SLC14A2: variants seen among roughly 807,000 people sequenced by gnomAD.
SLC14A2 encodes urea transporter 2.
A neutral mutation model predicts 104.6 loss-of-function variants in SLC14A2; 91 were observed. The ratio of observed to expected loss-of-function variants is 0.87; its 90% CI spans 0.73 to 1.04. The LOEUF is 1.04. SLC14A2 is among the 50% of genes least tolerant of loss of function. The pLI is 0.00. For missense variants in SLC14A2, 1,189 were observed against 1,156.0 expected (o/e 1.03, Z -0.41); for synonymous variants, 476 against 466.4 (o/e 1.02, Z -0.27).
chr18:45,556,626 T>C (rs963787024), intron 2 of SLC14A2, among the ~76,000 whole-genome samples: 1 of 152,252 alleles, frequency 6.6e-6, no homozygotes, highest in African/African-American at 2.4e-5. Flanking sequence ...AGTTAAATCA[T>C]GGGATTCGTG....
At chr18:45,416,452 T>C (rs1048059236) in intron 1 of SLC14A2, among the ~76,000 whole-genome samples, 1 of 152,146 alleles carries the variant, frequency 6.6e-6, no homozygotes, top group Non-Finnish European at 1.5e-5. Context: ...GAATAATAAT[T>C]GGTCGTGGCC....
At chr18:45,640,864 G>T (rs1016423584) in intron 7 of SLC14A2, among the ~76,000 whole-genome samples, 6 of 152,128 alleles carry the variant, frequency 3.9e-5, no homozygotes, top group African/African-American at 1.4e-4. Context: ...AAAAATATTT[G>T]TTTAACTCTT....
intron 1 of SLC14A2, among the ~76,000 whole-genome samples, chr18:45,475,656 T>TATATATATATTTAGG (rs2087357848): frequency 1.5e-5 from 1 of 65,746 alleles, no homozygotes; most frequent in South Asian, 6.6e-4. Flanking sequence ...TATATATATA[T>TATATATATATTTAGG]ATATATATAT....
At chr18:45,470,308 T>C (rs1323236921) in intron 1 of SLC14A2, among the ~76,000 whole-genome samples, 1 of 152,250 alleles carries the variant, frequency 6.6e-6, no homozygotes, top group African/African-American at 2.4e-5. Context: ...CTTGCCTTTT[T>C]CCTTCCTTTT....
At chr18:45,484,785 TC>T (rs71373713) in intron 2 of SLC14A2, among the ~76,000 whole-genome samples, 22,032 of 151,504 alleles carry the variant, frequency 0.15, 1,678 homozygotes, top group Middle Eastern at 0.24. Context: ...GGTTGGTTTT[TC>T]TTTTTTTGAG....
intron 1 of SLC14A2, among the ~76,000 whole-genome samples, chr18:45,328,030 C>T (rs542070701): frequency 6.6e-6 from 1 of 152,134 alleles, no homozygotes; most frequent in South Asian, 2.1e-4. Flanking sequence ...GACACTTAAG[C>T]AGGTTTGGTA....
chr18:45,394,155 A>C lies in SLC14A2; in HGVS notation c.-124-89078A>C, dbSNP rs187232457. ...ATACTTTCGTTAGTCCAAGTATTACATGGGACCAATCAATTGTTTGCAAAA... is the reference window on the plus strand; with the variant it reads ...ATACTTTCGTTAGTCCAAGTATTACCTGGGACCAATCAATTGTTTGCAAAA... On this transcript the variant is annotated intron_variant, in intron 1 of 20. Coordinates refer to the SLC14A2 transcript ENST00000586448. 5.9e-5 allele frequency among the ~76,000 whole-genome samples: 9 copies of C among 152,328 alleles called. No homozygotes were observed. In the South Asian group the frequency reaches 1.7e-3, roughly 28 times the overall value.
chr18:45,372,644 G>A (rs528149551), intron 1 of SLC14A2, among the ~76,000 whole-genome samples: 2 of 152,222 alleles, frequency 1.3e-5, no homozygotes, highest in East Asian at 3.9e-4. Flanking sequence ...TCCGATGCAG[G>A]GTAGGGCCTG....
chr18:45,517,303 T>C (rs2043454761), intron 2 of SLC14A2, among the ~76,000 whole-genome samples: 1 of 152,008 alleles, frequency 6.6e-6, no homozygotes, highest in African/African-American at 2.4e-5. Context: ...GCTGATTGAG[T>C]TTGGCAGGAA....
intron 1 of SLC14A2, among the ~76,000 whole-genome samples, chr18:45,236,277 GTATA>G (rs544021325): frequency 2.2e-5 from 1 of 44,656 alleles, no homozygotes; most frequent in Non-Finnish European, 3.7e-5. Context: ...ATGTATGTGT[GTATA>G]TGTGTATATA....
At chr18:45,679,162 CT>C (rs1804821466) in intron 19 of SLC14A2, 138 bp downstream of exon 19, 1 of 741,992 alleles carries the variant, frequency 1.3e-6, no homozygotes, top group African/African-American at 1.8e-5. Context: ...ACACTACTCA[CT>C]TCAGCACCTG....
chr18:45,173,624 T>C, the SLC14A2 span, among the ~76,000 whole-genome samples: 1 of 152,144 alleles, frequency 6.6e-6, no homozygotes, highest in African/African-American at 2.4e-5. Context: ...AAGTTGTCAG[T>C]GGCAACTTGG....
chr18:45,344,592 G>T (rs139387922), intron 1 of SLC14A2, among the ~76,000 whole-genome samples: 2 of 152,154 alleles, frequency 1.3e-5, no homozygotes, highest in Non-Finnish European at 2.9e-5. Flanking sequence ...TGGATGCAAG[G>T]GGGAAGAAGC....
At chr18:45,425,795 C>G (rs1359514721) in intron 1 of SLC14A2, among the ~76,000 whole-genome samples, 1 of 152,178 alleles carries the variant, frequency 6.6e-6, no homozygotes, top group Non-Finnish European at 1.5e-5. Context: ...TCTACAGATT[C>G]TCAAAGCAAT....
At chr18:45,273,068 A>G (rs1197225968) in intron 1 of SLC14A2, among the ~76,000 whole-genome samples, 1 of 152,056 alleles carries the variant, frequency 6.6e-6, no homozygotes, top group Middle Eastern at 3.2e-3. Context: ...TTTTTCACTC[A>G]TCTATCTGAA....
At chr18:45,243,707 C>G (rs989164689) in intron 1 of SLC14A2, among the ~76,000 whole-genome samples, 1 of 152,158 alleles carries the variant, frequency 6.6e-6, no homozygotes, top group Non-Finnish European at 1.5e-5. Flanking sequence ...CACTGGAAAT[C>G]AAGGAGGCTG....
At chr18:45,399,261 T>G (rs2086069409) in intron 1 of SLC14A2, among the ~76,000 whole-genome samples, 1 of 152,168 alleles carries the variant, frequency 6.6e-6, no homozygotes, top group South Asian at 2.1e-4. Context: ...ATTCCAGATT[T>G]TAAAGATAAC....
intron 1 of SLC14A2, among the ~76,000 whole-genome samples, chr18:45,328,207 A>G (rs1235956196): frequency 6.6e-6 from 1 of 152,124 alleles, no homozygotes; most frequent in Non-Finnish European, 1.5e-5. Context: ...TGCCTCTCAT[A>G]TGAAAGCAAG....
At chr18:45,174,579 T>A in the SLC14A2 span, among the ~76,000 whole-genome samples, 6 of 152,122 alleles carry the variant, frequency 3.9e-5, no homozygotes, top group Non-Finnish European at 2.9e-5. Context: ...TAAATTGTCA[T>A]CCGTCCCTGC....
Sources: gnomAD v4.1 joint callset for allele counts (sites outside exome capture counted in the v4.1 genomes callset) on GRCh38, gnomAD v4.1.1 for gene constraint, MANE v1.5 for transcripts, NCBI Gene and HGNC (gene_info 2026-07-23, HGNC 2026-07-21) for gene names.